Variants in NR1H4 observed in about 807,000 individuals in gnomAD.
NR1H4 encodes the protein bile acid receptor.
NR1H4 carries 23 observed loss-of-function variants against 58.5 expected under a neutral mutation model. The observed-to-expected ratio is 0.39, with a 90% confidence interval of 0.28 to 0.56. NR1H4 has a LOEUF of 0.56. NR1H4 is among the 20% of genes least tolerant of loss of function. The probability of loss-of-function intolerance (pLI) is 0.58; values close to 1 mark genes in which losing one functional copy is unlikely to be tolerated. For synonymous variants in NR1H4, 214 were observed against 198.0 expected (o/e 1.08, Z -0.68); for missense variants, 487 against 576.9 (o/e 0.84, Z 1.60).
At chr12:100,551,458 AAAC>A (rs1955200774) in intron 9 of NR1H4, among the ~76,000 whole-genome samples, 1 of 152,238 alleles carries the variant, frequency 6.6e-6, no homozygotes, top group African/African-American at 2.4e-5. Context: ...AAATGTAAAG[AAAC>A]AAATGATAGA....
Position 100,521,343 on chromosome 12 carries a change from C to T in NR1H4, c.445+10200C>T, listed in dbSNP as rs1327421060. 3.3e-5 allele frequency among the ~76,000 whole-genome samples: 5 copies of T among 152,148 alleles called. No individual in the cohort carries two copies. In the East Asian group the frequency reaches 7.7e-4, roughly 23 times the overall value. Reference sequence around the variant, plus strand: ...CATCACGCAGAATGACAATGACTGCCACTTTCTCAGGACTAGATTAAATCA... The same window carrying T: ...CATCACGCAGAATGACAATGACTGCTACTTTCTCAGGACTAGATTAAATCA... On this transcript the variant is annotated intron_variant, in intron 4 of 10. Transcript: ENST00000392986.
intron 4 of NR1H4, among the ~76,000 whole-genome samples, chr12:100,519,159 A>AC (rs1179423006): frequency 1.3e-5 from 2 of 152,130 alleles, no homozygotes; most frequent in Admixed American, 1.3e-4. Flanking sequence ...ACAAGATTCA[A>AC]CTCACAGCCC....
rs535482856 is a variant in NR1H4, at chr12:100,519,430, G to A, written c.445+8287G>A. On this transcript the variant is annotated intron_variant, in intron 4 of 10. Coordinates refer to ENST00000392986, the MANE Select transcript of NR1H4 (RefSeq NM_001206979.2). Reference sequence around the variant, plus strand: ...GACACAGTCTGAGATCTGTTGGAGTGCTGTTGTATTTGGTCTTCAGTCACC... The same window carrying A: ...GACACAGTCTGAGATCTGTTGGAGTACTGTTGTATTTGGTCTTCAGTCACC... Among the ~76,000 whole-genome samples the A allele has an allele frequency of 2.0e-5, 3 of 152,148 alleles. No individual in the cohort carries two copies. In the South Asian group the frequency reaches 6.2e-4, roughly 32 times the overall value.
rs1245806322 is a variant in NR1H4, at chr12:100,563,781, C to G, written c.*292C>G. ...CTATCTGTTGAACTAGGGAAAATCTCATTTTGCTCATCTTACCATATTGCA... is the reference window on the plus strand; with the variant it reads ...CTATCTGTTGAACTAGGGAAAATCTGATTTTGCTCATCTTACCATATTGCA... On this transcript the variant is annotated 3_prime_UTR_variant, in exon 11 of 11. Coordinates refer to ENST00000392986, the MANE Select transcript of NR1H4 (RefSeq NM_001206979.2). The G allele has an allele frequency of 8.0e-6, 3 of 375,740 alleles. No individual in the cohort carries two copies. Among genetic ancestry groups the G allele is most frequent in the African/African-American group, 6.1e-5 (3 of 49,168 alleles). 23.3% of individuals were successfully genotyped at this position (375,740 alleles called of 1,614,324 possible).
At chr12:100,498,669 A>G (rs918648508) in intron 3 of NR1H4, among the ~76,000 whole-genome samples, 6 of 152,130 alleles carry the variant, frequency 3.9e-5, no homozygotes, top group African/African-American at 1.4e-4. Flanking sequence ...AAAAACAAAC[A>G]ATATGTAAAT....
At chr12:100,483,302 A>G (rs956885750) in intron 1 of NR1H4, among the ~76,000 whole-genome samples, 2 of 152,240 alleles carry the variant, frequency 1.3e-5, no homozygotes, top group African/African-American at 2.4e-5. Context: ...ATTAGTTTGA[A>G]TATCAGTATA....
chr12:100,517,910 A>G (rs1026065787), intron 4 of NR1H4, among the ~76,000 whole-genome samples: 3 of 152,216 alleles, frequency 2.0e-5, no homozygotes, highest in African/African-American at 7.2e-5. Flanking sequence ...TGTATGATTG[A>G]CCACTAGGCT....
At chr12:100,553,591 A>G (rs1167149139) in intron 9 of NR1H4, among the ~76,000 whole-genome samples, 1 of 152,184 alleles carries the variant, frequency 6.6e-6, no homozygotes, top group African/African-American at 2.4e-5. Flanking sequence ...GCCGATAGCT[A>G]CAGAAAATAA....
Position 100,562,385 on chromosome 12 carries a change from A to C in NR1H4, c.1192+387A>C, listed in dbSNP as rs78856172. On this transcript the variant is annotated intron_variant, in intron 10 of 10. Transcript: ENST00000392986. Reference sequence around the variant, plus strand: ...ATATAATGAGAATATAAAGAAAGAGAGTGGCACAAAAATGGTATTTTAATT... The same window carrying C: ...ATATAATGAGAATATAAAGAAAGAGCGTGGCACAAAAATGGTATTTTAATT... 7.9e-3 allele frequency among the ~76,000 whole-genome samples: 1,198 copies of C among 152,290 alleles called. 7 individuals carry two copies. The highest frequency in any genetic ancestry group is 0.013 in the Non-Finnish European group (876 of 68,020).
chr12:100,495,659 G>GAGT (rs10685063), intron 3 of NR1H4, among the ~76,000 whole-genome samples: 135,191 of 151,662 alleles, frequency 0.89, 60,347 homozygotes, highest in East Asian at 1. Flanking sequence ...TTGAACCAGG[G>GAGT]CAGAGGTTGC....
At chr12:100,545,662 A>AAAAC (rs1565777418) in intron 9 of NR1H4, among the ~76,000 whole-genome samples, 2,890 of 140,750 alleles carry the variant, frequency 0.021, 333 homozygotes, top group African/African-American at 0.081. Context: ...AAAAAAAAAA[A>AAAAC]AAAAAAACCA....
chr12:100,490,177 G>A (rs760699488), intron 1 of NR1H4, among the ~76,000 whole-genome samples: 42 of 152,178 alleles, frequency 2.8e-4, no homozygotes, highest in Non-Finnish European at 4.7e-4. Flanking sequence ...TTTCTTGAGG[G>A]CTGACTGTAT....
At chr12:100,542,472 A>C (rs1186154925) in intron 9 of NR1H4, among the ~76,000 whole-genome samples, 2 of 152,212 alleles carry the variant, frequency 1.3e-5, no homozygotes, top group Non-Finnish European at 2.9e-5. Flanking sequence ...AGCTCAAGAG[A>C]CATTGAGATG....
chr12:100,551,957 T>G (rs953926314), intron 9 of NR1H4, among the ~76,000 whole-genome samples: 1 of 152,214 alleles, frequency 6.6e-6, no homozygotes, highest in East Asian at 1.9e-4. Context: ...TAGGGAATAA[T>G]GACAAGAAAA....
chr12:100,492,776 G>C (rs1953632249), intron 2 of NR1H4, 139 bp downstream of exon 2: 1 of 154,370 alleles, frequency 6.5e-6, no homozygotes, highest in South Asian at 2.0e-4. Flanking sequence ...GAATATCTCT[G>C]ATTTTCTGAT....
chr12:100,504,851 CAAAAG>C (rs1953921096), intron 3 of NR1H4, among the ~76,000 whole-genome samples: 2 of 152,226 alleles, frequency 1.3e-5, no homozygotes, highest in Admixed American at 1.3e-4. Flanking sequence ...AGCCTGTAAA[CAAAAG>C]AAATGATTGT....
At chr12:100,533,027 T>C (rs973252791) in intron 5 of NR1H4, among the ~76,000 whole-genome samples, 5 of 152,226 alleles carry the variant, frequency 3.3e-5, no homozygotes, top group Non-Finnish European at 5.9e-5. Flanking sequence ...TGCCTCTGAA[T>C]TGTCTAAATA....
At chr12:100,555,107 T>C (rs950332017) in intron 9 of NR1H4, among the ~76,000 whole-genome samples, 2 of 152,208 alleles carry the variant, frequency 1.3e-5, no homozygotes, top group Non-Finnish European at 2.9e-5. Context: ...GCAACATCTC[T>C]GGAGGGTGTG....
intron 4 of NR1H4, among the ~76,000 whole-genome samples, chr12:100,527,203 T>C (rs1001836600): frequency 3.3e-5 from 5 of 152,182 alleles, no homozygotes; most frequent in Admixed American, 1.3e-4. Context: ...GTAAACTTCC[T>C]ACTAAAAGGA....
Sources: allele counts gnomAD v4.1 joint callset (sites outside exome capture counted in the v4.1 genomes callset), GRCh38; gene constraint gnomAD v4.1.1; transcripts MANE v1.5; gene names NCBI Gene and HGNC (gene_info 2026-07-23, HGNC 2026-07-21).